RAD50: variants seen among roughly 807,000 people sequenced by gnomAD.
The protein encoded by RAD50 is RAD50 double strand break repair protein.
RAD50 carries 132 observed loss-of-function variants against 168.8 expected under a neutral mutation model. The observed-to-expected ratio is 0.78, with a 90% CI of 0.68 to 0.90. The LOEUF (loss-of-function observed/expected upper bound fraction) is 0.90, where lower values mean the gene tolerates loss of function less well. Among genes scored for constraint, RAD50 ranks in the 40% least tolerant of loss-of-function variants. RAD50 has a pLI of 0.00. For missense variants in RAD50, 1,347 were observed against 1,534.4 expected, an observed-to-expected ratio of 0.88 and a Z score of 2.04; for synonymous variants, 525 against 497.4, an observed-to-expected ratio of 1.06 and a Z score of -0.74.
intron 3 of RAD50, among the ~76,000 whole-genome samples, chr5:132,578,651 C>A (rs1478326207): frequency 1.3e-5 from 2 of 150,822 alleles, no homozygotes; most frequent in Admixed American, 1.3e-4. Context: ...CTCAGCCTCC[C>A]AAGGAGCTGG....
intron 5 of RAD50, among the ~76,000 whole-genome samples, chr5:132,586,196 A>C (rs73787022): frequency 6.6e-6 from 1 of 152,174 alleles, no homozygotes; most frequent in East Asian, 1.9e-4. Context: ...ACTTTCTTAC[A>C]TACAAATGTC....
At chr5:132,589,308 A>G (rs1750653444) in intron 8 of RAD50, among the ~76,000 whole-genome samples, 1 of 152,222 alleles carries the variant, frequency 6.6e-6, no homozygotes, top group Non-Finnish European at 1.5e-5. Flanking sequence ...GTTTAGATAC[A>G]TAAATACTTA....
chr5:132,608,559 C>G, intron 16 of RAD50, 56 bp from the exon 17 acceptor site: 2 of 1,402,450 alleles, frequency 1.4e-6, no homozygotes, highest in Non-Finnish European at 1.9e-6. Context: ...GAAGTCTGAC[C>G]CCTAAAGTAA....
Position 132,608,597 on chromosome 5 carries a change from T to C in RAD50, c.2719-18T>C, listed in dbSNP as rs750710498. Reference sequence around the variant, plus strand: ...TAATGGAATATTATATAATACTTTATCTTTTTTATATTTTTAGGATGCTAA... The same window carrying C: ...TAATGGAATATTATATAATACTTTACCTTTTTTATATTTTTAGGATGCTAA... On this transcript the variant is annotated intron_variant, in intron 16 of 24. Coordinates refer to ENST00000378823, the MANE Select transcript of RAD50 (RefSeq NM_005732.4). 2.8e-5 allele frequency: 43 copies of C among 1,522,374 alleles called. No homozygotes were observed. The highest frequency in any genetic ancestry group is 3.7e-5 in the Non-Finnish European group (42 of 1,122,650). 94.3% of individuals were successfully genotyped at this position (1,522,374 alleles called of 1,614,324 possible).
chr5:132,607,311 A>G (rs1751002034), intron 16 of RAD50, among the ~76,000 whole-genome samples: 1 of 152,148 alleles, frequency 6.6e-6, no homozygotes. Context: ...ACTCTCAGTC[A>G]TAGCACTCTT....
At chr5:132,596,364 C>T (rs138665709) in intron 13 of RAD50, among the ~76,000 whole-genome samples, 25 of 152,256 alleles carry the variant, frequency 1.6e-4, no homozygotes, top group Admixed American at 2.6e-4. Context: ...GTTTAATTCC[C>T]AAGACTTAGC....
chr5:132,620,261 G>C (rs1460866472), intron 21 of RAD50, among the ~76,000 whole-genome samples: 2 of 152,104 alleles, frequency 1.3e-5, no homozygotes, highest in African/African-American at 2.4e-5. Context: ...GTACATTTAA[G>C]TATTTAATTC....
At chr5:132,589,916 A>G in intron 9 of RAD50, 79 bp downstream of exon 9, 2 of 1,272,244 alleles carry the variant, frequency 1.6e-6, no homozygotes, top group Non-Finnish European at 2.2e-6. Context: ...TGATCCTAAG[A>G]TTATAGCATT....
intron 21 of RAD50, among the ~76,000 whole-genome samples, chr5:132,633,752 T>G (rs1336428232): frequency 6.6e-6 from 1 of 151,994 alleles, no homozygotes; most frequent in Non-Finnish European, 1.5e-5. Flanking sequence ...ATTTTTAAAT[T>G]TTTTTGTAGA....
At chr5:132,572,619 G>A (rs896870041) in intron 2 of RAD50, among the ~76,000 whole-genome samples, 16 of 152,080 alleles carry the variant, frequency 1.1e-4, no homozygotes, top group African/African-American at 3.6e-4. Context: ...TTCATTGTTG[G>A]TCTTTTAGGT....
chr5:132,625,023 C>T (rs1028990198), intron 21 of RAD50, among the ~76,000 whole-genome samples: 3 of 151,878 alleles, frequency 2.0e-5, no homozygotes, highest in Admixed American at 2.0e-4. Context: ...TAAAAAGCCT[C>T]AGAAGTCCAT....
intron 7 of RAD50, 145 bp downstream of exon 7, chr5:132,588,234 T>G: frequency 9.8e-7 from 1 of 1,020,128 alleles, no homozygotes; most frequent in Non-Finnish European, 1.4e-6. Context: ...ATATAACATT[T>G]TTATAATGTC....
chr5:132,603,399 A>G lies in RAD50; in HGVS notation c.2307A>G (p.Glu769=). The change falls in exon 14 of 25, where the codon GAA becomes GAG. Residue 769 remains glutamate, a synonymous_variant. Transcript: ENST00000378823. ...TACAGCGCCTAAAGAACGACATAGAAGAACAAGAAACACTCTTGGGTACAA... is the reference window on the plus strand; with the variant it reads ...TACAGCGCCTAAAGAACGACATAGAGGAACAAGAAACACTCTTGGGTACAA... The part of the protein sequence containing the change: ...RDIQRLKNDI[E]EQETLLGTIM... The G allele has an allele frequency of 6.2e-7, 1 of 1,613,968 alleles. No individual in the cohort carries two copies. Among genetic ancestry groups the G allele is most frequent in the South Asian group, 1.1e-5 (1 of 91,078 alleles).
intron 21 of RAD50, among the ~76,000 whole-genome samples, chr5:132,632,154 A>G (rs1376144376): frequency 6.6e-6 from 1 of 152,238 alleles, no homozygotes; most frequent in Non-Finnish European, 1.5e-5. Flanking sequence ...TTGGAATGTT[A>G]TGTTGATTAA....
At chr5:132,589,933 A>C in intron 9 of RAD50, 96 bp downstream of exon 9, 1 of 1,128,780 alleles carries the variant, frequency 8.9e-7, no homozygotes. Context: ...CATTTTAATA[A>C]AAACATCAAC....
At chr5:132,604,268 C>CT (rs879833449) in intron 15 of RAD50, among the ~76,000 whole-genome samples, 191 of 142,576 alleles carry the variant, frequency 1.3e-3, no homozygotes, top group East Asian at 6.0e-3. Flanking sequence ...TTCTCTTTTC[C>CT]TTTTTTTTTT....
chr5:132,579,731 C>A, intron 4 of RAD50, 131 bp from the exon 5 acceptor site: 1 of 915,896 alleles, frequency 1.1e-6, no homozygotes, highest in Non-Finnish European at 1.7e-6. Context: ...ACCATTATGT[C>A]ATAGGCATTT....
chr5:132,604,972 A>G lies in RAD50; in HGVS notation c.2691A>G (p.Glu897=), dbSNP rs773048127. The change falls in exon 16 of 25, where the codon GAA becomes GAG. Residue 897 remains glutamate, a synonymous_variant. Transcript: ENST00000378823. ...AGCAGACTGTGGAATTATCCACTGA[A>G]GTTCAGTCTTTGTACAGAGAGATAA... ...LEEQTVELST[E]VQSLYREIKD... 1 of 1,613,408 alleles carries G rather than the reference A, an allele frequency of 6.2e-7. No individual in the cohort carries two copies. The highest frequency in any genetic ancestry group is 2.2e-5 in the East Asian group (1 of 44,878).
intron 5 of RAD50, among the ~76,000 whole-genome samples, chr5:132,582,970 A>G (rs1268722191): frequency 6.6e-6 from 1 of 152,224 alleles, no homozygotes; most frequent in African/African-American, 2.4e-5. Flanking sequence ...AGATGTCATG[A>G]AAGATCCAAG....
Sources: allele counts gnomAD v4.1 joint callset (sites outside exome capture counted in the v4.1 genomes callset), GRCh38; gene constraint gnomAD v4.1.1; transcripts MANE v1.5; gene names NCBI Gene and HGNC (gene_info 2026-07-23, HGNC 2026-07-21).